The following HSD3B1 variants were observed in gnomAD, a reference collection of about 807,000 sequenced individuals.
HSD3B1 encodes the protein 3 beta-hydroxysteroid dehydrogenase/Delta 5-->4-isomerase type 1.
In HSD3B1, 11 loss-of-function variants were observed where a neutral mutation model predicts 10.4. The observed-to-expected ratio is 1.05, with a 90% CI of 0.66 to 1.75. The LOEUF is 1.75. HSD3B1 is among the 40% of genes most tolerant of loss of function. The pLI is 0.00. For synonymous variants in HSD3B1, 217 were observed against 185.4 expected (o/e 1.17, Z -1.39); for missense variants, 490 against 454.5 (o/e 1.08, Z -0.71).
chr1:119,507,383 T>C lies in HSD3B1; in HGVS notation c.-85-9T>C. The C allele has an allele frequency of 7.6e-7, 1 of 1,321,124 alleles. No homozygotes were observed. The highest frequency in any genetic ancestry group is 1.1e-6 in the Non-Finnish European group (1 of 923,324). The allele number at this position is 1,321,124 out of a possible 1,614,324, so 81.8% of individuals were successfully genotyped here. The stretch of plus-strand genomic sequence containing the variant: ...TGTGAGTATATAACCATTTGACATC[T>C]CTTTTTAGCCCTCTCCAGGGTCACC... On this transcript the variant is annotated splice_polypyrimidine_tract_variant and intron_variant, in intron 1 of 3. Transcript: ENST00000369413.
rs780856139 is a variant in HSD3B1, at chr1:119,513,903, A to G, written c.380A>G (p.Glu127Gly). ...VPVFIYTSSI[E>G]VAGPNSYKEI... ...GTCTTCATCTACACCAGTAGCATAG[A>G]GGTAGCCGGGCCCAACTCCTACAAG... The change falls in exon 4 of 4, where the codon GAG becomes GGG. Residue 127 changes from glutamate (E) to glycine (G), a missense_variant. By Grantham distance (98) the Glu-to-Gly change is moderately conservative (BLOSUM62 -2). Coordinates refer to ENST00000369413, the MANE Select transcript of HSD3B1 (RefSeq NM_000862.3). 1 of 1,614,000 alleles carries G rather than the reference A, an allele frequency of 6.2e-7. No homozygotes were observed. Among genetic ancestry groups the G allele is most frequent in the Non-Finnish European group, 8.5e-7 (1 of 1,179,984 alleles).
chr1:119,507,291 A>G (rs761284048), intron 1 of HSD3B1, 29 bp downstream of exon 1: 34 of 596,842 alleles, frequency 5.7e-5, no homozygotes, highest in Non-Finnish European at 8.7e-5. Flanking sequence ...TCTTTCAGCT[A>G]CTCCTGCAGT....
intron 3 of HSD3B1, 62 bp from the exon 4 acceptor site, chr1:119,513,772 G>C: frequency 6.6e-7 from 1 of 1,509,456 alleles, no homozygotes; most frequent in Non-Finnish European, 9.1e-7. Flanking sequence ...ATAGATCTGT[G>C]TTCGTGGTTG....
At chr1:119,512,242 A>G (rs1053620761) in intron 3 of HSD3B1, among the ~76,000 whole-genome samples, 2 of 152,152 alleles carry the variant, frequency 1.3e-5, no homozygotes, top group African/African-American at 4.8e-5. Context: ...TATTTTTTTA[A>G]CAGTGAGATT....
chr1:119,510,016 C>T (rs1435915010), intron 2 of HSD3B1, among the ~76,000 whole-genome samples: 1 of 152,190 alleles, frequency 6.6e-6, no homozygotes, highest in African/African-American at 2.4e-5. Context: ...AGTTTCCTCA[C>T]TGATAAAGTG....
rs114636605 is a variant in HSD3B1 at position 119,513,040 on chromosome 1, G to A, written c.311-794G>A. Among the ~76,000 whole-genome samples, 356 of 152,308 alleles carry A rather than the reference G, an allele frequency of 2.3e-3. 3 individuals are homozygous for A. The highest frequency in any genetic ancestry group is 7.7e-3 in the African/African-American group (319 of 41,570). Reference sequence around the variant, plus strand: ...GGGGAGGCTGCAAGGTCCTCCCACTGCAGGTGTTACCAGCAGAGGACACAC... The same window carrying A: ...GGGGAGGCTGCAAGGTCCTCCCACTACAGGTGTTACCAGCAGAGGACACAC... On this transcript the variant is annotated intron_variant, in intron 3 of 3. Coordinates refer to ENST00000369413, the MANE Select transcript of HSD3B1 (RefSeq NM_000862.3).
At chr1:119,509,251 G>A (rs1344510700) in intron 2 of HSD3B1, among the ~76,000 whole-genome samples, 2 of 152,196 alleles carry the variant, frequency 1.3e-5, no homozygotes, top group African/African-American at 4.8e-5. Flanking sequence ...AACCCAGACA[G>A]ACTAGTGCAG....
At chr1:119,510,919 G>A (rs780837670) in intron 2 of HSD3B1, among the ~76,000 whole-genome samples, 5 of 151,206 alleles carry the variant, frequency 3.3e-5, no homozygotes, top group African/African-American at 4.9e-5. Flanking sequence ...GCTATTTCAT[G>A]TATTTTAATA....
chr1:119,507,403 G>T lies in HSD3B1; in HGVS notation c.-74G>T. On this transcript the variant is annotated 5_prime_UTR_variant, in exon 2 of 4. Coordinates refer to ENST00000369413, the MANE Select transcript of HSD3B1 (RefSeq NM_000862.3). ...ACATCTCTTTTTAGCCCTCTCCAGG[G>T]TCACCCTAGAATCAGATCTGCTCCC... The T allele has an allele frequency of 6.6e-7, 1 of 1,513,096 alleles. No homozygotes were observed. Among genetic ancestry groups the T allele is most frequent in the Non-Finnish European group, 9.2e-7 (1 of 1,090,660 alleles). 93.7% of individuals were successfully genotyped at this position (1,513,096 alleles called of 1,614,324 possible).
intron 3 of HSD3B1, chr1:119,512,033 A>G: frequency 3.8e-6 from 1 of 263,548 alleles, no homozygotes; most frequent in South Asian, 5.1e-5. Context: ...CTTGATACCC[A>G]GACACCCCTT....
chr1:119,507,760 T>C, intron 2 of HSD3B1, 139 bp downstream of exon 2: 2 of 816,096 alleles, frequency 2.5e-6, no homozygotes, highest in Non-Finnish European at 4.1e-6. Context: ...CATCAAGAAA[T>C]AAATATTAAA....
chr1:119,509,537 AAAG>A (rs1333253596), intron 2 of HSD3B1, among the ~76,000 whole-genome samples: 1 of 152,134 alleles, frequency 6.6e-6, no homozygotes, highest in Non-Finnish European at 1.5e-5. Flanking sequence ...AAGTGGCAGC[AAAG>A]AAGAAGCAGA....
rs1570882413 is a variant in HSD3B1, at chr1:119,514,364, G to A, written c.841G>A (p.Asp281Asn). The change falls in exon 4 of 4, where the codon GAT becomes AAT. Residue 281 changes from aspartate (D) to asparagine (N), a missense_variant. Physicochemically the swap from Asp to Asn is conservative, Grantham distance 23. Transcript: ENST00000369413. ...TLSKEFGLRL[D>N]SRWSFPLSLM... The stretch of plus-strand genomic sequence containing the variant: ...GAGCAAAGAGTTCGGCCTCCGCCTT[G>A]ATTCCAGATGGAGCTTTCCTTTATC... 3.1e-6 allele frequency: 5 copies of A among 1,614,140 alleles called. No homozygotes were observed. Among genetic ancestry groups the A allele is most frequent in the Middle Eastern group, 3.3e-4 (2 of 6,062 alleles).
chr1:119,510,329 A>C (rs1653896731), intron 2 of HSD3B1, among the ~76,000 whole-genome samples: 1 of 152,196 alleles, frequency 6.6e-6, no homozygotes, highest in Admixed American at 6.5e-5. Flanking sequence ...GATATCTGAT[A>C]ATAGTTTTCC....
chr1:119,510,762 GGT>G (rs1653915772), intron 2 of HSD3B1, among the ~76,000 whole-genome samples: 1 of 50,394 alleles, frequency 2.0e-5, no homozygotes, highest in African/African-American at 1.2e-4. Flanking sequence ...TTTGAGACAA[GGT>G]GGTCTTGCTC....
intron 2 of HSD3B1, chr1:119,507,850 A>G: frequency 2.2e-6 from 1 of 451,788 alleles, no homozygotes; most frequent in Non-Finnish European, 4.0e-6. Flanking sequence ...AGAACTTGAG[A>G]AGCAGCCACC....
Position 119,514,767 on chromosome 1 carries a change from A to G in HSD3B1, c.*122A>G. On this transcript the variant is annotated 3_prime_UTR_variant, in exon 4 of 4. Transcript: ENST00000369413. ...TCAGGTCCTGCTGCCTCCCTTTCAT[A>G]CAATGGCCAACTTATTGTATTCCTC... 1 of 1,028,692 alleles carries G rather than the reference A, an allele frequency of 9.7e-7. No individual in the cohort carries two copies. Among genetic ancestry groups the G allele is most frequent in the Non-Finnish European group, 1.5e-6 (1 of 677,176 alleles). The allele number at this position is 1,028,692 out of a possible 1,614,324, so 63.7% of individuals were successfully genotyped here. A position where few individuals can be genotyped will look rare whatever the true frequency, so the allele number is the denominator to read the frequency against.
At chr1:119,508,381 A>C (rs965973999) in intron 2 of HSD3B1, among the ~76,000 whole-genome samples, 2 of 151,980 alleles carry the variant, frequency 1.3e-5, no homozygotes, top group African/African-American at 2.4e-5. Flanking sequence ...AAAAAAAAAA[A>C]AACAAAACAT....
chr1:119,509,549 G>T (rs1653879906), intron 2 of HSD3B1, among the ~76,000 whole-genome samples: 2 of 152,198 alleles, frequency 1.3e-5, no homozygotes, highest in South Asian at 4.1e-4. Flanking sequence ...AGAAGAAGCA[G>T]AGGAAGGCAG....
Sources: gnomAD v4.1 joint callset for allele counts (sites outside exome capture counted in the v4.1 genomes callset) on GRCh38, gnomAD v4.1.1 for gene constraint, MANE v1.5 for transcripts, NCBI Gene and HGNC (gene_info 2026-07-23, HGNC 2026-07-21) for gene names.